Variants in TENM4 observed in about 807,000 individuals in gnomAD.
TENM4 encodes the protein teneurin-4.
In TENM4, 82 loss-of-function variants were observed where a neutral mutation model predicts 243.3. The ratio of observed to expected loss-of-function variants is 0.34; its 90% CI spans 0.28 to 0.40. The LOEUF (loss-of-function observed/expected upper bound fraction) is 0.40. Ranked by LOEUF, TENM4 falls within the 10% of genes least tolerant of loss-of-function variation. TENM4 has a pLI of 1.00. For synonymous variants in TENM4, 1,412 were observed against 1,456.3 expected (o/e 0.97, Z 0.69); for missense variants, 3,138 against 3,673.3 (o/e 0.85, Z 3.77).
intron 2 of TENM4, among the ~76,000 whole-genome samples, chr11:79,292,226 C>T (rs1171053377): frequency 6.6e-6 from 1 of 152,136 alleles, no homozygotes; most frequent in Non-Finnish European, 1.5e-5. Flanking sequence ...GAAGCAAAAG[C>T]CCTCCCTTGA....
At chr11:79,366,961 A>G (rs2135502213) in intron 1 of TENM4, among the ~76,000 whole-genome samples, 1 of 152,350 alleles carries the variant, frequency 6.6e-6, no homozygotes, top group Non-Finnish European at 1.5e-5. Context: ...AGACTTATCA[A>G]TATTTTCTTC....
chr11:78,676,456 G>A, intron 29 of TENM4, 69 bp from the exon 30 acceptor site: 2 of 1,297,452 alleles, frequency 1.5e-6, no homozygotes, highest in East Asian at 4.8e-5. Flanking sequence ...GGACAGCAGA[G>A]GCGGTGGAGG....
At chr11:79,049,948 T>A (rs560572719) in intron 6 of TENM4, among the ~76,000 whole-genome samples, 8 of 152,176 alleles carry the variant, frequency 5.3e-5, no homozygotes, top group Middle Eastern at 6.8e-3. Flanking sequence ...GCTGATTTGC[T>A]TTTTTTTCCC....
chr11:78,859,923 A>G (rs1011246692), intron 10 of TENM4, among the ~76,000 whole-genome samples: 4 of 152,214 alleles, frequency 2.6e-5, no homozygotes, highest in Non-Finnish European at 2.9e-5. Context: ...ATTAATGTGT[A>G]ACACAAGTTC....
chr11:78,982,191 G>T (rs941565259), intron 6 of TENM4, among the ~76,000 whole-genome samples: 2 of 152,092 alleles, frequency 1.3e-5, no homozygotes, highest in African/African-American at 2.4e-5. Flanking sequence ...AATAATCCTT[G>T]CATCTTCTGG....
chr11:78,812,315 G>A lies in TENM4; in HGVS notation c.1785C>T (p.Ala595=), dbSNP rs1440027543. 6.4e-7 allele frequency: 1 copy of A among 1,550,606 alleles called. No individual in the cohort carries two copies. Among genetic ancestry groups the A allele is most frequent in the Non-Finnish European group, 8.7e-7 (1 of 1,146,036 alleles). Residue 595 remains alanine, a splice_region_variant and synonymous_variant, in exon 14 of 34, where the codon GCC becomes GCT. Coordinates refer to ENST00000278550, the MANE Select transcript of TENM4 (RefSeq NM_001098816.3). ...LGFLGPDCGR[A]SCPVLCSGNG... ...TTCCGCTACAGAGCACGGGGCAGGAGGCTGGGGAGACAGCACCGGAGTCTG... is the reference window on the plus strand; with the variant it reads ...TTCCGCTACAGAGCACGGGGCAGGAAGCTGGGGAGACAGCACCGGAGTCTG...
chr11:78,928,019 T>C (rs1016044986), intron 6 of TENM4, among the ~76,000 whole-genome samples: 1 of 151,942 alleles, frequency 6.6e-6, no homozygotes, highest in Non-Finnish European at 1.5e-5. Flanking sequence ...CAAACCCACA[T>C]CTCCCTACTG....
At chr11:79,010,285 G>T (rs1858609935) in intron 6 of TENM4, among the ~76,000 whole-genome samples, 1 of 152,140 alleles carries the variant, frequency 6.6e-6, no homozygotes. Context: ...CTGCTGCAAA[G>T]GAACTCACTG....
chr11:79,429,158 C>T (rs1257458874), intron 1 of TENM4, among the ~76,000 whole-genome samples: 1 of 152,178 alleles, frequency 6.6e-6, no homozygotes, highest in East Asian at 1.9e-4. Flanking sequence ...AGAAACAGAG[C>T]TGGAATTTGA....
intron 6 of TENM4, among the ~76,000 whole-genome samples, chr11:78,917,693 G>T (rs1224783418): frequency 6.6e-6 from 1 of 152,064 alleles, no homozygotes; most frequent in African/African-American, 2.4e-5. Flanking sequence ...AGGCTTGCTG[G>T]GCTGCTAGTT....
rs1485795360 is a variant in TENM4 at position 78,702,057 on chromosome 11, G to T, written c.4556C>A (p.Ala1519Asp). The T allele has an allele frequency of 1.2e-6, 2 of 1,613,690 alleles. No individual in the cohort carries two copies. The highest frequency in any genetic ancestry group is 1.7e-6 in the Non-Finnish European group (2 of 1,179,696). ...GTCTCCAGAAAAACAATCACAGTTG[G>T]CATCATTTTTACAGTCACAGCCACT... The part of the protein sequence containing the change: ...APSGCDCKND[A>D]NCDCFSGDDG... Residue 1519 changes from alanine (A) to aspartate (D), a missense_variant, in exon 28 of 34, where the codon GCC (alanine) becomes GAC (aspartate). Transcript: ENST00000278550.
chr11:78,725,513 G>C (rs900490517), intron 23 of TENM4, among the ~76,000 whole-genome samples: 1 of 152,106 alleles, frequency 6.6e-6, no homozygotes, highest in Non-Finnish European at 1.5e-5. Flanking sequence ...TCTTACCCTG[G>C]GTTCCAGCTG....
At chr11:79,114,382 T>C (rs895497553) in intron 4 of TENM4, among the ~76,000 whole-genome samples, 3 of 152,254 alleles carry the variant, frequency 2.0e-5, no homozygotes, top group Non-Finnish European at 2.9e-5. Context: ...TTATACCTTA[T>C]AATTATATAC....
intron 1 of TENM4, among the ~76,000 whole-genome samples, chr11:79,300,628 A>C (rs1005025473): frequency 2.0e-5 from 3 of 152,204 alleles, no homozygotes; most frequent in Non-Finnish European, 1.5e-5. Flanking sequence ...ATACTTTAAA[A>C]AATCTCTATT....
rs938702871 is a variant in TENM4 at position 79,376,974 on chromosome 11, A to C, written c.-321+63535T>G. On this transcript the variant is annotated intron_variant, in intron 1 of 33. Transcript: ENST00000278550. ...AAAAGGATCTTTGCTGATATGATAA[A>C]GTTGAGAATCTTAAAATGAAGAGAT... Among the ~76,000 whole-genome samples, 8 of 152,236 alleles carry C rather than the reference A, an allele frequency of 5.3e-5. 1 individual carries two copies. The highest frequency in any genetic ancestry group is 5.2e-4 in the Admixed American group (8 of 15,278).
intron 12 of TENM4, among the ~76,000 whole-genome samples, chr11:78,846,473 T>C (rs1444852599): frequency 6.6e-6 from 1 of 152,172 alleles, no homozygotes; most frequent in Non-Finnish European, 1.5e-5. Flanking sequence ...AATGAACAAA[T>C]GAACAGATGC....
intron 2 of TENM4, among the ~76,000 whole-genome samples, chr11:79,271,726 C>T (rs989147030): frequency 6.6e-6 from 1 of 152,236 alleles, no homozygotes; most frequent in Non-Finnish European, 1.5e-5. Context: ...ACCTACTCCC[C>T]CAGCTCTCTC....
intron 12 of TENM4, among the ~76,000 whole-genome samples, chr11:78,821,871 T>A (rs906632131): frequency 6.6e-6 from 1 of 152,250 alleles, no homozygotes; most frequent in African/African-American, 2.4e-5. Flanking sequence ...ACTCACTTTC[T>A]AAGAGTCAGA....
chr11:78,698,441 A>G (rs1859020215), intron 28 of TENM4, among the ~76,000 whole-genome samples: 1 of 152,160 alleles, frequency 6.6e-6, no homozygotes, highest in African/African-American at 2.4e-5. Context: ...ACAAACAAAT[A>G]AACAAACAGC....
Sources: allele counts gnomAD v4.1 joint callset (sites outside exome capture counted in the v4.1 genomes callset), GRCh38; gene constraint gnomAD v4.1.1; transcripts MANE v1.5; gene names NCBI Gene and HGNC (gene_info 2026-07-23, HGNC 2026-07-21).